Variants in SP140L observed in about 807,000 individuals in gnomAD.
SP140L encodes the protein SP140 like nuclear body protein, also known as nuclear body protein SP140-like protein.
SP140L carries 64 observed loss-of-function variants against 84.3 expected under a neutral mutation model. The ratio of observed to expected loss-of-function variants is 0.76; its 90% CI spans 0.62 to 0.94. SP140L has a LOEUF of 0.94. Among genes scored for constraint, SP140L ranks in the 40% least tolerant of loss-of-function variants. The pLI is 0.00. For synonymous variants in SP140L, 242 were observed against 236.9 expected (o/e 1.02, Z -0.20); for missense variants, 628 against 692.5 (o/e 0.91, Z 1.05).
chr2:230,400,532 T>C, intron 15 of SP140L: 1 of 479,210 alleles, frequency 2.1e-6, no homozygotes, highest in Non-Finnish European at 3.8e-6. Flanking sequence ...GGGTCTCCTG[T>C]CCCAGGGGGT....
intron 7 of SP140L, among the ~76,000 whole-genome samples, chr2:230,373,367 CAGG>C (rs1383277329): frequency 1.3e-5 from 2 of 152,226 alleles, no homozygotes; most frequent in South Asian, 2.1e-4. Context: ...CTCCATAGGA[CAGG>C]AGGAGTCTCT....
chr2:230,374,538 A>G lies in SP140L; in HGVS notation c.637+2887A>G, dbSNP rs191750371. 8.9e-4 allele frequency among the ~76,000 whole-genome samples: 136 copies of G among 152,334 alleles called. 1 individual carries two copies. Among genetic ancestry groups the G allele is most frequent in the African/African-American group, 2.8e-3 (118 of 41,568 alleles). On this transcript the variant is annotated intron_variant, in intron 7 of 18. Coordinates refer to ENST00000415673, the MANE Select transcript of SP140L (RefSeq NM_138402.6). ...GCAGCAGCAGGTTTTGAGAGAATCT[A>G]CTGTGGTAAAATGCTATCAATAGCT...
chr2:230,337,543 G>T lies in SP140L; in HGVS notation c.107+8712G>T, dbSNP rs1212978672. Among the ~76,000 whole-genome samples the T allele has an allele frequency of 2.6e-5, 4 of 151,836 alleles. No individual in the cohort carries two copies. The South Asian group carries it at 6.3e-4, about 24-fold the overall frequency. On this transcript the variant is annotated intron_variant, in intron 2 of 18. Transcript: ENST00000415673. ...TTTGTCTTTTGTTGCCATTGCTTTT[G>T]GTGTTTTAGACATGAAGTCCTTGCC...
At position 230,389,930 on chromosome 2, in the gene SP140L, C is replaced by G. The variant is rs763599299; in HGVS notation, c.871C>G (p.His291Asp). ...ATCCTCTCTTTCAGCTTCAAGAAAG[C>G]ACAAAGATGAAACTGTGGATTTTCA... is the stretch of plus-strand genomic sequence containing the variant. Reference protein sequence around the residue: ...KRVRSRASRKHKDETVDFQAP... With the variant: ...KRVRSRASRKDKDETVDFQAP... The change falls in exon 11 of 19, where the codon CAC (histidine) becomes GAC (aspartate). Residue 291 changes from histidine (H) to aspartate (D), a missense_variant. Coordinates refer to ENST00000415673, the MANE Select transcript of SP140L (RefSeq NM_138402.6). The G allele has an allele frequency of 6.2e-7, 1 of 1,613,662 alleles. No individual in the cohort carries two copies. Among genetic ancestry groups the G allele is most frequent in the Admixed American group, 1.7e-5 (1 of 59,952 alleles).
At chr2:230,357,738 T>A in intron 2 of SP140L, 67 bp from the exon 3 acceptor site, 1 of 1,506,284 alleles carries the variant, frequency 6.6e-7, no homozygotes, top group South Asian at 1.2e-5. Flanking sequence ...ATACATAAAA[T>A]CTTACCATCT....
intron 2 of SP140L, among the ~76,000 whole-genome samples, chr2:230,354,369 G>A (rs1341629550): frequency 6.6e-6 from 1 of 152,156 alleles, no homozygotes; most frequent in African/African-American, 2.4e-5. Flanking sequence ...GAATAGATAG[G>A]AACTCAGCAA....
At chr2:230,380,272 G>A (rs1035730482) in intron 7 of SP140L, among the ~76,000 whole-genome samples, 17 of 152,156 alleles carry the variant, frequency 1.1e-4, no homozygotes, top group South Asian at 4.2e-4. Context: ...ACTGCCCCCC[G>A]ATTCAATTTT....
chr2:230,387,378 A>C (rs2061628213), intron 9 of SP140L, among the ~76,000 whole-genome samples: 1 of 152,172 alleles, frequency 6.6e-6, no homozygotes, highest in African/African-American at 2.4e-5. Flanking sequence ...TGTAATTATC[A>C]ATATTGGTTC....
intron 18 of SP140L, 23 bp from the exon 19 acceptor site, chr2:230,402,775 T>C (rs1450802398): frequency 6.4e-7 from 1 of 1,572,892 alleles, no homozygotes; most frequent in Non-Finnish European, 8.7e-7. Flanking sequence ...AACATCGTTT[T>C]TGTCTTTATT....
Position 230,385,126 on chromosome 2 carries a change from A to G in SP140L, c.704-98A>G, listed in dbSNP as rs2061531240. ...TCTGGACACCTGCTCGAGGGGATCCAGAGTGAAACCCAGGACTCCCTCACT... is the reference window on the plus strand; with the variant it reads ...TCTGGACACCTGCTCGAGGGGATCCGGAGTGAAACCCAGGACTCCCTCACT... On this transcript the variant is annotated intron_variant, in intron 8 of 18. Coordinates refer to ENST00000415673, the MANE Select transcript of SP140L (RefSeq NM_138402.6). The G allele has an allele frequency of 1.4e-5, 17 of 1,178,810 alleles. No homozygotes were observed. In the South Asian group the frequency reaches 2.4e-4, roughly 17 times the overall value. 73.0% of individuals were successfully genotyped at this position (1,178,810 alleles called of 1,614,324 possible). A position where few individuals can be genotyped will look rare whatever the true frequency, so the allele number is the denominator to read the frequency against.
intron 4 of SP140L, among the ~76,000 whole-genome samples, chr2:230,359,402 A>G (rs2060645657): frequency 6.6e-6 from 1 of 152,218 alleles, no homozygotes; most frequent in Non-Finnish European, 1.5e-5. Flanking sequence ...AGAAACACAG[A>G]ACACCAACGG....
chr2:230,344,111 T>A (rs532398391), intron 2 of SP140L, among the ~76,000 whole-genome samples: 1 of 152,282 alleles, frequency 6.6e-6, no homozygotes, highest in East Asian at 1.9e-4. Context: ...TCTAATATTG[T>A]CAGTGGGGTG....
intron 2 of SP140L, among the ~76,000 whole-genome samples, chr2:230,332,837 CAAT>C (rs2059763808): frequency 6.6e-6 from 1 of 152,162 alleles, no homozygotes; most frequent in Admixed American, 6.5e-5. Context: ...TCTGCTGATC[CAAT>C]TAGTTCTGGT....
rs377052879 is a variant in SP140L, at chr2:230,383,589, G to A, written c.703+14G>A. ...ACCAACAAAATGGTAAGCAGGCAAA[G>A]TGAAGTAGTTACAGCTTTTGAGTTT... is the stretch of plus-strand genomic sequence containing the variant. On this transcript the variant is annotated intron_variant, in intron 8 of 18. Transcript: ENST00000415673. 1.3e-5 allele frequency: 20 copies of A among 1,595,460 alleles called. No individual in the cohort carries two copies. Among genetic ancestry groups the A allele is most frequent in the Non-Finnish European group, 1.7e-5 (20 of 1,170,876 alleles).
chr2:230,398,993 G>A (rs138765769), intron 14 of SP140L, among the ~76,000 whole-genome samples: 2,472 of 152,340 alleles, frequency 0.016, 80 homozygotes, highest in African/African-American at 0.056. Flanking sequence ...GAGCAGAGCC[G>A]GCGGAGGACT....
Position 230,346,269 on chromosome 2 carries a change from TC to T in SP140L, c.108-11534del, listed in dbSNP as rs1263191643. ...ACTTTACTGTTAGTCTTATGAGGGC[TC>T]CATTTTTTGTGATAAGTTATGCTTT... is the stretch of plus-strand genomic sequence containing the variant. On this transcript the variant is annotated intron_variant, in intron 2 of 18. Coordinates refer to ENST00000415673, the MANE Select transcript of SP140L (RefSeq NM_138402.6). Among the ~76,000 whole-genome samples, 3 of 152,180 alleles carry T rather than the reference TC, an allele frequency of 2.0e-5. No homozygotes were observed. The East Asian group carries it at 5.8e-4, about 29-fold the overall frequency.
At chr2:230,340,049 T>G (rs1358244531) in intron 2 of SP140L, among the ~76,000 whole-genome samples, 1 of 146,052 alleles carries the variant, frequency 6.8e-6, no homozygotes, top group Non-Finnish European at 1.5e-5. Context: ...GTATCCTTGT[T>G]GACTTTCTGT....
intron 5 of SP140L, among the ~76,000 whole-genome samples, chr2:230,362,887 G>GAA (rs200934291): frequency 7.0e-6 from 1 of 142,462 alleles, no homozygotes; most frequent in African/African-American, 2.6e-5. Context: ...GAAAGATACA[G>GAA]AAAAAAAAAA....
intron 11 of SP140L, 29 bp from the exon 12 acceptor site, chr2:230,392,058 C>A (rs1211086706): frequency 6.2e-7 from 1 of 1,613,010 alleles, no homozygotes; most frequent in East Asian, 2.2e-5. Flanking sequence ...ACAAAGAGGG[C>A]TCAGGATCAA....
Sources: allele counts gnomAD v4.1 joint callset (sites outside exome capture counted in the v4.1 genomes callset), GRCh38; gene constraint gnomAD v4.1.1; transcripts MANE v1.5; gene names NCBI Gene and HGNC (gene_info 2026-07-23, HGNC 2026-07-21).